RIC1: variants seen among roughly 807,000 people sequenced by gnomAD.
RIC1 encodes guanine nucleotide exchange factor subunit RIC1.
RIC1 carries 88 observed loss-of-function variants against 169.0 expected under a neutral mutation model. The ratio of observed to expected loss-of-function variants is 0.52; its 90% confidence interval spans 0.44 to 0.62. The LOEUF is 0.62. Ranked by LOEUF, RIC1 falls within the 20% of genes least tolerant of loss-of-function variation. The probability of loss-of-function intolerance (pLI) is 0.00; values close to 1 mark genes in which losing one functional copy is unlikely to be tolerated. For synonymous variants in RIC1, 790 were observed against 601.5 expected (o/e 1.31, Z -4.59); for missense variants, 1,877 against 1,725.5 (o/e 1.09, Z -1.56).
chr9:5,763,807 T>C lies in RIC1; in HGVS notation c.2780T>C (p.Phe927Ser), dbSNP rs748566002. Residue 927 changes from phenylalanine (F) to serine (S), a missense_variant, in exon 19 of 26, where the codon TTT (phenylalanine) becomes TCT (serine). Phe to Ser is a radical substitution (Grantham distance 155). Coordinates refer to ENST00000414202, the MANE Select transcript of RIC1 (RefSeq NM_020829.4). The surrounding 1 kb of genome is among the most constrained non-coding windows in gnomAD (Gnocchi z 5.2). ...FAAVGNPKDL[F>S]EECLMAQDLD... is the part of the protein sequence containing the mutation. ...GCTGTTGGAAACCCTAAGGACTTGTTTGAGGAGTGTTTGATGGCTCAGGAT... is the reference window on the plus strand; with the variant it reads ...GCTGTTGGAAACCCTAAGGACTTGTCTGAGGAGTGTTTGATGGCTCAGGAT... The C allele has an allele frequency of 2.5e-6, 4 of 1,614,044 alleles. No homozygotes were observed. The highest frequency in any genetic ancestry group is 3.4e-6 in the Non-Finnish European group (4 of 1,180,016).
intron 1 of RIC1, among the ~76,000 whole-genome samples, chr9:5,637,722 C>G (rs1262913820): frequency 6.6e-6 from 1 of 152,202 alleles, no homozygotes; most frequent in Admixed American, 6.5e-5. Context: ...GTTTGTCTCT[C>G]TATGCCTTGC....
At chr9:5,682,448 G>C (rs1052605111) in intron 2 of RIC1, among the ~76,000 whole-genome samples, 1 of 152,120 alleles carries the variant, frequency 6.6e-6, no homozygotes, top group African/African-American at 2.4e-5. Context: ...GAAATTCTGG[G>C]TTGAAAATTC....
At chr9:5,661,068 C>T (rs1047037944) in intron 2 of RIC1, among the ~76,000 whole-genome samples, 1 of 152,110 alleles carries the variant, frequency 6.6e-6, no homozygotes, top group African/African-American at 2.4e-5. Context: ...AGCCAGTACT[C>T]CCAGCACCAT....
chr9:5,762,606 G>A lies in RIC1; in HGVS notation c.2058G>A (p.Arg686=), dbSNP rs1204381567. 10 of 1,613,936 alleles carry A rather than the reference G, an allele frequency of 6.2e-6. No individual in the cohort carries two copies. The East Asian group carries it at 2.0e-4, about 32-fold the overall frequency. Residue 686 remains arginine (R), a synonymous_variant, in exon 18 of 26, where the codon AGG becomes AGA. Transcript: ENST00000414202. ...AGQLIMMQRD[R]SGPQIREKDS... The stretch of plus-strand genomic sequence containing the variant: ...AGCTCATCATGATGCAGAGGGACAG[G>A]TCAGGCCCACAGATCCGGGAGAAGG...
chr9:5,770,932 C>T lies in RIC1; in HGVS notation c.3616+654C>T, dbSNP rs574130030. Among the ~76,000 whole-genome samples the T allele has an allele frequency of 5.3e-5, 8 of 152,242 alleles. No individual in the cohort carries two copies. The East Asian group carries it at 1.4e-3, about 26-fold the overall frequency. On this transcript the variant is annotated intron_variant, in intron 23 of 25. Transcript: ENST00000414202. ...GGGTTATATAGTATAGGAGCTTAAA[C>T]AACAATTTGTCTGAGTTTGCAGTTT... is the stretch of plus-strand genomic sequence containing the variant.
Position 5,639,030 on chromosome 9 carries a change from C to G in RIC1, c.144+9577C>G, listed in dbSNP as rs1818109876. Among the ~76,000 whole-genome samples, 3 of 152,266 alleles carry G rather than the reference C, an allele frequency of 2.0e-5. No homozygotes were observed. In the South Asian group the frequency reaches 6.2e-4, roughly 32 times the overall value. On this transcript the variant is annotated intron_variant, in intron 1 of 25. Transcript: ENST00000414202. The stretch of plus-strand genomic sequence containing the variant: ...TCCCAAGTTCATGTGATCCTCCCAC[C>G]TCAGCCCCCTAAATAGTTGGGACTA...
At position 5,689,930 on chromosome 9, in the gene RIC1, A is replaced by G. The variant is rs780521595; in HGVS notation, c.253-29A>G. 8.3e-6 allele frequency: 12 copies of G among 1,445,572 alleles called. No homozygotes were observed. In the East Asian group the frequency reaches 9.2e-5, roughly 11 times the overall value. 89.5% of individuals were successfully genotyped at this position (1,445,572 alleles called of 1,614,324 possible). A position where few individuals can be genotyped will look rare whatever the true frequency, so the allele number is the denominator to read the frequency against. On this transcript the variant is annotated intron_variant, in intron 2 of 25. Transcript: ENST00000414202. ...GTTACAGTTATAGCCTTACTCTTTAATTCATGATTAATAAAATTTCTCTTT... is the reference window on the plus strand; with the variant it reads ...GTTACAGTTATAGCCTTACTCTTTAGTTCATGATTAATAAAATTTCTCTTT...
intron 2 of RIC1, among the ~76,000 whole-genome samples, chr9:5,683,595 G>T (rs917899126): frequency 6.6e-6 from 1 of 152,196 alleles, no homozygotes. Flanking sequence ...CAGGGGTCAG[G>T]GACCCACTTG....
chr9:5,738,309 T>A (rs535611494), intron 7 of RIC1, 141 bp from the exon 8 acceptor site: 2 of 614,902 alleles, frequency 3.3e-6, no homozygotes, highest in South Asian at 4.1e-5. Context: ...TTGTTCAAAT[T>A]TATGAGATGA....
At chr9:5,719,043 G>A (rs896649763) in intron 4 of RIC1, 2 of 152,058 alleles carry the variant, frequency 1.3e-5, no homozygotes, top group African/African-American at 2.4e-5. Context: ...GAATTTAATA[G>A]TATTTAATAG....
At chr9:5,708,913 T>C (rs1822761982) in intron 3 of RIC1, among the ~76,000 whole-genome samples, 1 of 151,272 alleles carries the variant, frequency 6.6e-6, no homozygotes, top group Non-Finnish European at 1.5e-5. Context: ...ACTGGGTCTA[T>C]TTTTTTTTCA....
Position 5,738,545 on chromosome 9 carries a change from CTTTTTT to C in RIC1, c.901+23_901+28del. On this transcript the variant is annotated splice_region_variant and intron_variant, in intron 8 of 25. Transcript: ENST00000414202. The stretch of plus-strand genomic sequence containing the variant: ...ACAGCAAAACAGTATCCTGGTGAGT[CTTTTTT>C]TTTTTTTTTTTTTTTAACATTTTTA... 4.9e-5 allele frequency: 40 copies of C among 814,874 alleles called. No individual in the cohort carries two copies. The highest frequency in any genetic ancestry group is 1.3e-4 in the South Asian group (6 of 46,670). The allele number at this position is 814,874 out of a possible 1,614,324, so 50.5% of individuals were successfully genotyped here. A position where few individuals can be genotyped will look rare whatever the true frequency, so the allele number is the denominator to read the frequency against.
chr9:5,769,838 T>A (rs1827076057), intron 22 of RIC1, among the ~76,000 whole-genome samples: 1 of 152,188 alleles, frequency 6.6e-6, no homozygotes, highest in African/African-American at 2.4e-5. Context: ...ATCAACATAA[T>A]AAAGTTTTGC....
At chr9:5,683,961 C>T (rs1331472508) in intron 2 of RIC1, among the ~76,000 whole-genome samples, 1 of 152,188 alleles carries the variant, frequency 6.6e-6, no homozygotes, top group Admixed American at 6.5e-5. Context: ...GGGATATAAT[C>T]TCCTGGTATG....
intron 3 of RIC1, 45 bp downstream of exon 3, chr9:5,690,083 T>G: frequency 7.9e-7 from 1 of 1,273,216 alleles, no homozygotes. Flanking sequence ...ATTTGCATAC[T>G]TTATATTCAG....
chr9:5,717,648 C>T (rs1317450058), intron 4 of RIC1, among the ~76,000 whole-genome samples: 1 of 151,188 alleles, frequency 6.6e-6, no homozygotes, highest in East Asian at 2.0e-4. Context: ...AGTTCAAAAC[C>T]AGCCTGGCCA....
At chr9:5,733,098 G>C (rs1244844495) in intron 7 of RIC1, among the ~76,000 whole-genome samples, 2 of 151,796 alleles carry the variant, frequency 1.3e-5, no homozygotes, top group African/African-American at 2.4e-5. Flanking sequence ...GATTATATTA[G>C]TTGTTATAAT....
intron 1 of RIC1, among the ~76,000 whole-genome samples, chr9:5,634,849 AC>A (rs1440634828): frequency 1.3e-5 from 2 of 152,108 alleles, no homozygotes; most frequent in East Asian, 3.8e-4. Flanking sequence ...TTCAGGTTTT[AC>A]ATTTAAGTCT....
At chr9:5,724,850 G>A (rs1202360597) in intron 6 of RIC1, among the ~76,000 whole-genome samples, 3 of 152,156 alleles carry the variant, frequency 2.0e-5, no homozygotes, top group East Asian at 1.9e-4. Context: ...TTTATATGCT[G>A]TATTACCGTT....
Sources: allele counts gnomAD v4.1 joint callset (sites outside exome capture counted in the v4.1 genomes callset), GRCh38; gene constraint gnomAD v4.1.1; non-coding constraint Gnocchi (gnomAD v3.1); transcripts MANE v1.5; gene names NCBI Gene and HGNC (gene_info 2026-07-23, HGNC 2026-07-21).